CCDC77: variants seen among roughly 807,000 people sequenced by gnomAD.
CCDC77 encodes the protein coiled-coil domain-containing protein 77.
In CCDC77, 56 loss-of-function variants were observed where a neutral mutation model predicts 66.8. That is an observed-to-expected ratio of 0.84 (90% CI 0.68 to 1.05). The LOEUF is 1.05. Among genes scored for constraint, CCDC77 ranks in the 50% least tolerant of loss-of-function variants. The probability of loss-of-function intolerance (pLI) is 0.00; values close to 1 mark genes in which losing one functional copy is unlikely to be tolerated. For synonymous variants in CCDC77, 196 were observed against 195.2 expected, an observed-to-expected ratio of 1.00 and a Z score of -0.03; for missense variants, 570 against 576.8, an observed-to-expected ratio of 0.99 and a Z score of 0.12.
intron 4 of CCDC77, among the ~76,000 whole-genome samples, chr12:416,377 G>GTATATATA (rs1167006549): frequency 1.3e-3 from 26 of 20,582 alleles, no homozygotes; most frequent in Non-Finnish European, 1.7e-3. Context: ...GTGTGTGTGT[G>GTATATATA]TATATATATA....
intron 5 of CCDC77, among the ~76,000 whole-genome samples, chr12:423,836 G>A (rs1266206422): frequency 6.6e-6 from 1 of 152,110 alleles, no homozygotes; most frequent in South Asian, 2.1e-4. Flanking sequence ...CTTAATGGGT[G>A]TGAGGGAGTC....
At chr12:415,377 C>T in intron 4 of CCDC77, among the ~76,000 whole-genome samples, 1 of 108,370 alleles carries the variant, frequency 9.2e-6, no homozygotes, top group East Asian at 2.7e-4. Flanking sequence ...ATATAATCAA[C>T]ATAATATTAT....
intron 3 of CCDC77, among the ~76,000 whole-genome samples, chr12:410,113 A>G (rs1277690484): frequency 1.3e-5 from 2 of 152,128 alleles, no homozygotes; most frequent in Non-Finnish European, 2.9e-5. Context: ...ATATCTCTGC[A>G]TGCTTATTTA....
In CCDC77 at chr12:431,985, G is replaced by A. The variant is rs140673709; in HGVS notation, c.672+31G>A. 255 of 1,382,544 alleles carry A rather than the reference G, an allele frequency of 1.8e-4. 1 individual carries two copies. In the African/African-American group the frequency reaches 3.3e-3, roughly 18 times the overall value. 85.6% of individuals were successfully genotyped at this position (1,382,544 alleles called of 1,614,324 possible). On this transcript the variant is annotated intron_variant, in intron 8 of 12. Coordinates refer to ENST00000239830, the MANE Select transcript of CCDC77 (RefSeq NM_032358.4). ...GAATGTATTTTGGCAGACCAAGATG[G>A]CTTTTATCCACAGGTGCAGCTCTAT...
chr12:402,812 T>G (rs1339662855), intron 1 of CCDC77, among the ~76,000 whole-genome samples: 2 of 152,158 alleles, frequency 1.3e-5, no homozygotes, highest in African/African-American at 4.8e-5. Flanking sequence ...ATACAAGATA[T>G]TCATATGGTT....
In CCDC77 at chr12:441,760, T is replaced by TTC. The variant is rs1277263263; in HGVS notation, c.1321-13_1321-12insCT. 8 of 1,584,734 alleles carry TTC rather than the reference T, an allele frequency of 5.0e-6. No individual in the cohort carries two copies. In the African/African-American group the frequency reaches 8.2e-5, roughly 16 times the overall value. On this transcript the variant is annotated splice_polypyrimidine_tract_variant and intron_variant, in intron 12 of 12. Transcript: ENST00000239830. ...ATCATCATTTCTTTTTTTTTTTTTT[T>TTC]TTCAAACCCCTAGGCAACAGTTAAT...
chr12:411,678 T>C (rs1945113788), intron 3 of CCDC77, 69 bp from the exon 4 acceptor site: 1 of 1,296,684 alleles, frequency 7.7e-7, no homozygotes, highest in Admixed American at 2.5e-5. Flanking sequence ...AACCCCCTTT[T>C]ATTTAGGAAG....
chr12:390,143 A>T (rs963141319), intron 1 of CCDC77: 2 of 151,724 alleles, frequency 1.3e-5, no homozygotes, highest in African/African-American at 2.4e-5. Context: ...AAAAAAAAAA[A>T]ATCAAGAAAT....
At chr12:416,403 A>ATATG (rs1945282533) in intron 4 of CCDC77, among the ~76,000 whole-genome samples, 1 of 51,254 alleles carries the variant, frequency 2.0e-5, no homozygotes, top group Non-Finnish European at 3.6e-5. Flanking sequence ...ATATATATAT[A>ATATG]TATATATATA....
chr12:428,487 G>A (rs1945578271), intron 5 of CCDC77, among the ~76,000 whole-genome samples: 1 of 128,012 alleles, frequency 7.8e-6, no homozygotes. Context: ...CTCCAGCCTG[G>A]ACAACAGAGC....
chr12:431,641 G>C (rs2137605940), intron 7 of CCDC77, among the ~76,000 whole-genome samples: 1 of 152,262 alleles, frequency 6.6e-6, no homozygotes, highest in Middle Eastern at 3.4e-3. Flanking sequence ...GATTATTTAG[G>C]TGACATCCTG....
chr12:432,608 G>A (rs1945674105), intron 8 of CCDC77, among the ~76,000 whole-genome samples: 1 of 152,248 alleles, frequency 6.6e-6, no homozygotes, highest in Admixed American at 6.5e-5. Flanking sequence ...AAGGGAGACA[G>A]TCAAGGGAGA....
chr12:413,740 G>C (rs1945164843), intron 4 of CCDC77, among the ~76,000 whole-genome samples: 1 of 149,396 alleles, frequency 6.7e-6, no homozygotes, highest in Non-Finnish European at 1.5e-5. Flanking sequence ...CAATTCTCCT[G>C]CCTCAGCCTC....
intron 4 of CCDC77, among the ~76,000 whole-genome samples, chr12:416,711 C>T (rs1025592090): frequency 5.3e-5 from 8 of 151,470 alleles, no homozygotes; most frequent in African/African-American, 7.3e-5. Context: ...ATCTCTAGAA[C>T]GTTTTCATTT....
At chr12:414,100 T>C (rs1945174328) in intron 4 of CCDC77, among the ~76,000 whole-genome samples, 1 of 151,272 alleles carries the variant, frequency 6.6e-6, no homozygotes, top group South Asian at 2.1e-4. Flanking sequence ...ATTTCCTTTT[T>C]TTTTTTTTTG....
Position 433,421 on chromosome 12 carries a change from A to T in CCDC77, c.821+99A>T. 3 of 1,507,916 alleles carry T rather than the reference A, an allele frequency of 2.0e-6. No homozygotes were observed. In the South Asian group the frequency reaches 4.1e-5, roughly 20 times the overall value. The allele number at this position is 1,507,916 out of a possible 1,614,324, so 93.4% of individuals were successfully genotyped here. A position where few individuals can be genotyped will look rare whatever the true frequency, so the allele number is the denominator to read the frequency against. On this transcript the variant is annotated intron_variant, in intron 9 of 12. Coordinates refer to ENST00000239830, the MANE Select transcript of CCDC77 (RefSeq NM_032358.4). ...TTGAACAACAGCGGGTCATAGAACT[A>T]AAGGGAGCCTTGAAAAGACTGTCTT...
At chr12:433,518 T>A in intron 9 of CCDC77, 196 bp downstream of exon 9, 1 of 1,309,422 alleles carries the variant, frequency 7.6e-7, no homozygotes, top group Non-Finnish European at 9.9e-7. Context: ...AGCTGATGAG[T>A]ATTTCACGTG....
chr12:412,621 G>A (rs1271400874), intron 4 of CCDC77, among the ~76,000 whole-genome samples: 4 of 152,218 alleles, frequency 2.6e-5, no homozygotes, highest in Non-Finnish European at 5.9e-5. Context: ...AATCTCTCCA[G>A]ACATTGCCAG....
intron 5 of CCDC77, among the ~76,000 whole-genome samples, chr12:426,860 C>T (rs920934744): frequency 1.3e-5 from 2 of 152,058 alleles, no homozygotes; most frequent in African/African-American, 4.8e-5. Flanking sequence ...GGCTATAGAC[C>T]CTTTGGAGGA....
Sources: allele counts gnomAD v4.1 joint callset (sites outside exome capture counted in the v4.1 genomes callset), GRCh38; gene constraint gnomAD v4.1.1; transcripts MANE v1.5; gene names NCBI Gene and HGNC (gene_info 2026-07-23, HGNC 2026-07-21).